Variants in ANP32A observed in about 807,000 individuals in gnomAD.
The protein encoded by ANP32A is acidic leucine-rich nuclear phosphoprotein 32 family member A.
ANP32A carries 1 observed loss-of-function variant against 33.9 expected under a neutral mutation model. That is an observed-to-expected ratio of 0.03 (90% CI 0.01 to 0.14). The LOEUF (loss-of-function observed/expected upper bound fraction) is 0.14, where lower values mean the gene tolerates loss of function less well. Ranked by LOEUF, ANP32A falls within the 10% of genes least tolerant of loss-of-function variation. The probability of loss-of-function intolerance (pLI) is 1.00; values close to 1 mark genes in which losing one functional copy is unlikely to be tolerated. For missense variants in ANP32A, 155 were observed against 306.0 expected (o/e 0.51, Z 3.68); for synonymous variants, 115 against 120.5 (o/e 0.95, Z 0.30).
chr15:68,818,730 C>CA (rs1894426780), intron 1 of ANP32A, among the ~76,000 whole-genome samples: 1 of 151,896 alleles, frequency 6.6e-6, no homozygotes. Context: ...CGCGCCCCCG[C>CA]ACCCACCCGC....
At chr15:68,813,464 T>C (rs1273837553) in intron 1 of ANP32A, among the ~76,000 whole-genome samples, 1 of 152,234 alleles carries the variant, frequency 6.6e-6, no homozygotes, top group Non-Finnish European at 1.5e-5. Flanking sequence ...ATCTCTTTAA[T>C]GAAAACATCA....
intron 3 of ANP32A, among the ~76,000 whole-genome samples, chr15:68,784,965 G>A (rs758225750): frequency 1.3e-5 from 2 of 152,184 alleles, no homozygotes; most frequent in Admixed American, 1.3e-4. Flanking sequence ...TGAGACTAAG[G>A]AGCCAGAGGG....
chr15:68,791,249 T>A (rs1057479896), intron 1 of ANP32A: 1 of 152,220 alleles, frequency 6.6e-6, no homozygotes, highest in African/African-American at 2.4e-5. Context: ...AACCTAAGTA[T>A]AAAAATAGGC....
intron 1 of ANP32A, chr15:68,790,116 CCA>C (rs1231612094): frequency 6.6e-6 from 1 of 152,256 alleles, no homozygotes; most frequent in Non-Finnish European, 1.5e-5. Flanking sequence ...GTCACGTGGC[CCA>C]CAGTCTTCTT....
chr15:68,807,009 T>C (rs1049687046), intron 1 of ANP32A, among the ~76,000 whole-genome samples: 1 of 152,220 alleles, frequency 6.6e-6, no homozygotes, highest in African/African-American at 2.4e-5. Context: ...GCAGGGGGTA[T>C]GGACATATAA....
At chr15:68,785,241 G>T (rs1893917314) in intron 3 of ANP32A, among the ~76,000 whole-genome samples, 1 of 152,180 alleles carries the variant, frequency 6.6e-6, no homozygotes, top group South Asian at 2.1e-4. Context: ...AGCAATGGAG[G>T]ACCCCAATTC....
Position 68,783,859 on chromosome 15 carries a change from T to C in ANP32A, c.526+538A>G, listed in dbSNP as rs573919206. Reference sequence around the variant, plus strand: ...GCCTGTGCCCCTAGGTGTGGGGCTGTAGGCTGCAACCACCAGGGGGCCCCA... The same window carrying C: ...GCCTGTGCCCCTAGGTGTGGGGCTGCAGGCTGCAACCACCAGGGGGCCCCA... On this transcript the variant is annotated intron_variant, in intron 4 of 6. Transcript: ENST00000465139. Among the ~76,000 whole-genome samples, 9 of 152,216 alleles carry C rather than the reference T, an allele frequency of 5.9e-5. 1 individual carries two copies. The South Asian group carries it at 1.9e-3, about 32-fold the overall frequency.
chr15:68,786,039 T>C (rs1219763913), intron 3 of ANP32A, among the ~76,000 whole-genome samples: 1 of 152,128 alleles, frequency 6.6e-6, no homozygotes, highest in Non-Finnish European at 1.5e-5. Flanking sequence ...GAAATGCCAG[T>C]GTCCTCTTCT....
intron 5 of ANP32A, chr15:68,781,595 T>C (rs1893867795): frequency 6.7e-6 from 1 of 148,648 alleles, no homozygotes; most frequent in Non-Finnish European, 1.5e-5. Context: ...GAAACCAAGC[T>C]CATCTGGCCA....
intron 1 of ANP32A, among the ~76,000 whole-genome samples, chr15:68,799,598 G>A (rs1219265068): frequency 1.3e-5 from 2 of 152,226 alleles, no homozygotes; most frequent in Non-Finnish European, 2.9e-5. Context: ...AGAGGCTCAT[G>A]AAGGAGGCTT....
chr15:68,820,614 A>T (rs2140378894), intron 1 of ANP32A, 84 bp downstream of exon 1: 2 of 419,472 alleles, frequency 4.8e-6, no homozygotes, highest in Non-Finnish European at 3.4e-6. Flanking sequence ...CCCCAAAAAA[A>T]GTGCCTCCCC....
chr15:68,805,110 C>T (rs1462236196), intron 1 of ANP32A, among the ~76,000 whole-genome samples: 4 of 152,206 alleles, frequency 2.6e-5, no homozygotes, highest in Non-Finnish European at 5.9e-5. Flanking sequence ...CTCACCATCT[C>T]TGGTCAGAGG....
chr15:68,805,877 C>G (rs975882368), intron 1 of ANP32A, among the ~76,000 whole-genome samples: 1 of 152,176 alleles, frequency 6.6e-6, no homozygotes, highest in African/African-American at 2.4e-5. Flanking sequence ...ACTGTCTCCC[C>G]CAGCGGAACA....
intron 1 of ANP32A, among the ~76,000 whole-genome samples, chr15:68,813,500 AT>A (rs1303623532): frequency 6.6e-6 from 1 of 152,220 alleles, no homozygotes; most frequent in Non-Finnish European, 1.5e-5. Context: ...CATTTGTTGT[AT>A]AATTCTATTT....
intron 1 of ANP32A, among the ~76,000 whole-genome samples, chr15:68,817,928 G>A (rs958160363): frequency 1.3e-5 from 2 of 152,126 alleles, no homozygotes; most frequent in African/African-American, 2.4e-5. Context: ...ATGGCAGCCC[G>A]GCGCCCGGCA....
In ANP32A at chr15:68,779,239, A is replaced by G. The variant is rs1289576756; in HGVS notation, c.*842T>C. On this transcript the variant is annotated 3_prime_UTR_variant, in exon 7 of 7. Transcript: ENST00000465139. ...CGCTTAGGTCCGTAAAAATGTTCTA[A>G]GCACAGAAGTACATGTGGAAGAATT... 1.3e-5 allele frequency: 2 copies of G among 152,150 alleles called. No individual in the cohort carries two copies. Among genetic ancestry groups the G allele is most frequent in the Non-Finnish European group, 2.9e-5 (2 of 68,014 alleles). 9.4% of individuals were successfully genotyped at this position (152,150 alleles called of 1,614,324 possible). A position where few individuals can be genotyped will look rare whatever the true frequency, so the allele number is the denominator to read the frequency against.
At chr15:68,794,744 G>A (rs1303236295) in intron 1 of ANP32A, among the ~76,000 whole-genome samples, 1 of 151,812 alleles carries the variant, frequency 6.6e-6, no homozygotes, top group African/African-American at 2.4e-5. Context: ...AATCAGTCAG[G>A]TTCCATGTTG....
intron 1 of ANP32A, among the ~76,000 whole-genome samples, chr15:68,788,220 G>A (rs768181128): frequency 5.9e-5 from 9 of 152,178 alleles, no homozygotes; most frequent in Non-Finnish European, 8.8e-5. Context: ...AACCCAGTAA[G>A]CCCTGCTGCC....
intron 1 of ANP32A, among the ~76,000 whole-genome samples, chr15:68,799,524 G>A (rs1382716610): frequency 6.6e-6 from 1 of 152,208 alleles, no homozygotes; most frequent in East Asian, 1.9e-4. Context: ...TATGAAGAGA[G>A]TCAGGGAGGG....
Sources: gnomAD v4.1 joint callset for allele counts (sites outside exome capture counted in the v4.1 genomes callset) on GRCh38, gnomAD v4.1.1 for gene constraint, MANE v1.5 for transcripts, NCBI Gene and HGNC (gene_info 2026-07-23, HGNC 2026-07-21) for gene names.